The following OR1J2 variants were observed in gnomAD, a reference collection of about 807,000 sequenced individuals.
OR1J2 encodes olfactory receptor family 1 subfamily J member 2.
For synonymous variants in OR1J2, 142 were observed against 99.7 expected, an observed-to-expected ratio of 1.42 and a Z score of -2.52; for missense variants, 304 against 246.1, an observed-to-expected ratio of 1.24 and a Z score of -1.57.
At chr9:122,477,615 GA>G in the OR1J2 span, 2 of 1,614,046 alleles carry the variant, frequency 1.2e-6, no homozygotes, top group African/African-American at 2.7e-5. Flanking sequence ...CAAAAAATAT[GA>G]AAAAATATGT....
the OR1J2 span, chr9:122,553,199 C>G: frequency 6.2e-7 from 1 of 1,611,678 alleles, no homozygotes; most frequent in Non-Finnish European, 8.5e-7. Context: ...GCAGATCACA[C>G]GAACTACAAG....
the OR1J2 span, among the ~76,000 whole-genome samples, chr9:122,568,846 T>C: frequency 8.2e-3 from 1,244 of 152,204 alleles, 16 homozygotes; most frequent in African/African-American, 0.029. Context: ...GCTTACCTTC[T>C]AGTTGGGGAG....
At chr9:122,529,853 A>G in the OR1J2 span, among the ~76,000 whole-genome samples, 17 of 152,192 alleles carry the variant, frequency 1.1e-4, no homozygotes, top group East Asian at 1.9e-4. Context: ...AACATAGGAC[A>G]TGCCCACCTG....
At chr9:122,480,384 C>G in the OR1J2 span, among the ~76,000 whole-genome samples, 2 of 152,038 alleles carry the variant, frequency 1.3e-5, no homozygotes, top group African/African-American at 4.8e-5. Flanking sequence ...ATACTATATC[C>G]CTACCTCACA....
chr9:122,515,188 T>C (rs533053757), downstream of OR1J2, among the ~76,000 whole-genome samples: 22 of 152,308 alleles, frequency 1.4e-4, no homozygotes, highest in African/African-American at 5.1e-4. Context: ...TCCAGGTTCA[T>C]GACTTCTTTC....
the OR1J2 span, among the ~76,000 whole-genome samples, chr9:122,468,569 T>C: frequency 6.6e-6 from 1 of 151,882 alleles, no homozygotes. Context: ...AGGAAGAAAA[T>C]ACTTCAGGGA....
At chr9:122,466,803 T>A in the OR1J2 span, among the ~76,000 whole-genome samples, 1 of 152,110 alleles carries the variant, frequency 6.6e-6, no homozygotes, top group African/African-American at 2.4e-5. Context: ...AGTGAAATGA[T>A]CCTTCAAATT....
chr9:122,511,090 T>C lies in OR1J2; in HGVS notation c.289T>C (p.Cys97Arg), dbSNP rs747277916. The C allele has an allele frequency of 1.8e-6, 2 of 1,135,150 alleles. No individual in the cohort carries two copies. The highest frequency in any genetic ancestry group is 2.6e-6 in the Non-Finnish European group (2 of 770,050). The allele number at this position is 1,135,150 out of a possible 1,614,324, so 70.3% of individuals were successfully genotyped here. The change falls in exon 1 of 1, where the codon TGC (cysteine) becomes CGC (arginine). Residue 97 changes from cysteine (C) to arginine (R), a missense_variant. Coordinates refer to ENST00000335302, the MANE Select transcript of OR1J2 (RefSeq NM_054107.1). ...TKYKSILYEE[C>R]ISQMYFFIFF... The stretch of plus-strand genomic sequence containing the variant: ...GTACAAATCGATCCTCTATGAGGAA[T>C]GCATTTCTCAGATGTATTTTTTTAT...
the OR1J2 span, chr9:122,567,792 A>C: frequency 6.2e-7 from 1 of 1,614,004 alleles, no homozygotes; most frequent in Non-Finnish European, 8.5e-7. Flanking sequence ...AGTAGAGGGA[A>C]TCTTGAGAAC....
At chr9:122,474,059 A>G in the OR1J2 span, among the ~76,000 whole-genome samples, 6 of 152,206 alleles carry the variant, frequency 3.9e-5, no homozygotes, top group African/African-American at 1.4e-4. Flanking sequence ...CTATCTGGCT[A>G]CAAGTCTCAC....
the OR1J2 span, among the ~76,000 whole-genome samples, chr9:122,458,961 ATC>A: frequency 6.6e-6 from 1 of 150,598 alleles, no homozygotes; most frequent in African/African-American, 2.5e-5. Context: ...GCTTTAATTT[ATC>A]TGTCTCTTTT....
At chr9:122,530,326 A>G in the OR1J2 span, among the ~76,000 whole-genome samples, 2 of 152,180 alleles carry the variant, frequency 1.3e-5, no homozygotes, top group South Asian at 2.1e-4. Flanking sequence ...TTATGTTTAC[A>G]TTTTGAATCC....
At chr9:122,506,091 A>G (rs1300864975), upstream of OR1J2, among the ~76,000 whole-genome samples, 1 of 152,138 alleles carries the variant, frequency 6.6e-6, no homozygotes, top group African/African-American at 2.4e-5. Context: ...TTGGAGTGGG[A>G]TATGGTTCTA....
At chr9:122,567,566 A>G in the OR1J2 span, 1 of 1,585,308 alleles carries the variant, frequency 6.3e-7, no homozygotes, top group Non-Finnish European at 8.6e-7. Context: ...TCTTGCTCAT[A>G]AGCTTCCTCA....
At chr9:122,461,165 G>C in the OR1J2 span, among the ~76,000 whole-genome samples, 3 of 152,096 alleles carry the variant, frequency 2.0e-5, no homozygotes, top group African/African-American at 7.2e-5. Context: ...TAGAAGTGGT[G>C]AAAGTGGGCA....
At chr9:122,501,123 G>A in the OR1J2 span, among the ~76,000 whole-genome samples, 1 of 152,098 alleles carries the variant, frequency 6.6e-6, no homozygotes, top group African/African-American at 2.4e-5. Context: ...GCTATATTTT[G>A]CTGTTGGGAT....
At chr9:122,465,451 G>A in the OR1J2 span, among the ~76,000 whole-genome samples, 13 of 152,218 alleles carry the variant, frequency 8.5e-5, no homozygotes, top group Middle Eastern at 3.4e-3. Context: ...CAGGCTCTAT[G>A]TTTTAAAAAT....
the OR1J2 span, chr9:122,568,219 G>A: frequency 6.0e-5 from 97 of 1,614,070 alleles, no homozygotes; most frequent in Admixed American, 5.0e-5. Context: ...TTTTCTGACA[G>A]GAAGTTCATC....
chr9:122,447,710 C>A, the OR1J2 span, among the ~76,000 whole-genome samples: 2 of 152,212 alleles, frequency 1.3e-5, no homozygotes, highest in Admixed American at 1.3e-4. Flanking sequence ...TCCGCTCCTC[C>A]TTCCTTTCCT....
Sources: allele counts gnomAD v4.1 joint callset (sites outside exome capture counted in the v4.1 genomes callset), GRCh38; gene constraint gnomAD v4.1.1; transcripts MANE v1.5; gene names NCBI Gene and HGNC (gene_info 2026-07-23, HGNC 2026-07-21).